The following COL24A1 variants were observed in gnomAD, a reference collection of about 807,000 sequenced individuals.
COL24A1 encodes the protein collagen alpha-1(XXIV) chain.
Under a neutral mutation model 253.9 loss-of-function variants are expected in COL24A1, and 224 were observed. That is an observed-to-expected ratio of 0.88 (90% CI 0.79 to 0.99). The LOEUF (loss-of-function observed/expected upper bound fraction) is 0.99. Ranked by LOEUF, COL24A1 falls within the 50% of genes least tolerant of loss-of-function variation. The pLI, the probability that COL24A1 is intolerant of heterozygous loss-of-function variation, is 0.00. For synonymous variants in COL24A1, 685 were observed against 673.7 expected, an observed-to-expected ratio of 1.02 and a Z score of -0.26; for missense variants, 2,131 against 2,068.5, an observed-to-expected ratio of 1.03 and a Z score of -0.59.
chr1:85,893,794 T>G (rs1683377945), intron 31 of COL24A1, among the ~76,000 whole-genome samples: 1 of 152,124 alleles, frequency 6.6e-6, no homozygotes, highest in African/African-American at 2.4e-5. Flanking sequence ...TTTTTTAAAA[T>G]TCATTTTAAA....
intron 24 of COL24A1, among the ~76,000 whole-genome samples, chr1:85,943,449 A>G (rs1688945503): frequency 6.6e-6 from 1 of 152,244 alleles, no homozygotes. Flanking sequence ...CAAATTTGGT[A>G]TGGGAAAGCT....
intron 24 of COL24A1, among the ~76,000 whole-genome samples, chr1:85,946,940 A>C (rs1011890552): frequency 3.3e-5 from 5 of 152,254 alleles, no homozygotes; most frequent in African/African-American, 1.2e-4. Flanking sequence ...AAAAAGAAAG[A>C]AATCCAGTCA....
Position 85,891,768 on chromosome 1 carries a change from T to A in COL24A1, c.2923-2155A>T, listed in dbSNP as rs75030069. Among the ~76,000 whole-genome samples, 809 of 152,330 alleles carry A rather than the reference T, an allele frequency of 5.3e-3. 17 individuals are homozygous for A. The highest frequency in any genetic ancestry group is 0.052 in the East Asian group (269 of 5,176). On this transcript the variant is annotated intron_variant, in intron 31 of 59. Transcript: ENST00000370571. ...TCTGCCCAATTTTCTTTGTAAAGTA[T>A]GTTTAGACATAATATCAAGCTTATC...
At chr1:85,741,664 C>G (rs1032511237) in intron 57 of COL24A1, among the ~76,000 whole-genome samples, 3 of 152,168 alleles carry the variant, frequency 2.0e-5, no homozygotes, top group African/African-American at 7.2e-5. Flanking sequence ...ATGTTGGGTT[C>G]ACTTTCTGCT....
rs1290619312 is a variant in COL24A1 at position 85,832,244 on chromosome 1, T to C, written c.3681+6341A>G. Among the ~76,000 whole-genome samples the C allele has an allele frequency of 3.9e-5, 6 of 152,070 alleles. No homozygotes were observed. In the East Asian group the frequency reaches 9.6e-4, roughly 24 times the overall value. On this transcript the variant is annotated intron_variant, in intron 43 of 59. Transcript: ENST00000370571. ...CAAAGATCAGATGGTTGTAGATATG[T>C]GGCATTATTTCTGAGGGCTCTGTTC...
chr1:85,742,217 C>T (rs547878251), intron 57 of COL24A1, among the ~76,000 whole-genome samples: 7 of 150,264 alleles, frequency 4.7e-5, no homozygotes, highest in Middle Eastern at 3.5e-3. Context: ...ACTGCAATCT[C>T]GGCCTCCTGG....
At chr1:85,836,968 T>A (rs916775575) in intron 43 of COL24A1, among the ~76,000 whole-genome samples, 1 of 152,200 alleles carries the variant, frequency 6.6e-6, no homozygotes, top group Non-Finnish European at 1.5e-5. Flanking sequence ...CTGGTAAATA[T>A]ACTGATTTAG....
At chr1:85,952,933 T>A (rs1690072098) in intron 24 of COL24A1, among the ~76,000 whole-genome samples, 1 of 152,200 alleles carries the variant, frequency 6.6e-6, no homozygotes, top group Non-Finnish European at 1.5e-5. Context: ...TTTTTCACTA[T>A]TTTTACTCTC....
At chr1:85,921,660 C>G (rs1686512692) in intron 24 of COL24A1, among the ~76,000 whole-genome samples, 1 of 152,168 alleles carries the variant, frequency 6.6e-6, no homozygotes. Flanking sequence ...AAAACCCCAC[C>G]TGTAGGTCAC....
intron 47 of COL24A1, among the ~76,000 whole-genome samples, chr1:85,804,639 A>G (rs1671778301): frequency 6.6e-6 from 1 of 151,996 alleles, no homozygotes; most frequent in Non-Finnish European, 1.5e-5. Context: ...GTGCAGGGCA[A>G]CTCCCGTTTT....
At chr1:86,079,399 A>T (rs1224644812) in intron 7 of COL24A1, among the ~76,000 whole-genome samples, 3 of 152,166 alleles carry the variant, frequency 2.0e-5, no homozygotes, top group Non-Finnish European at 4.4e-5. Flanking sequence ...CTGGGCAAAG[A>T]TTTCTTCAGT....
intron 47 of COL24A1, among the ~76,000 whole-genome samples, chr1:85,792,121 C>A (rs1280272002): frequency 1.3e-5 from 2 of 151,992 alleles, no homozygotes; most frequent in Non-Finnish European, 2.9e-5. Flanking sequence ...TTGCTTCCTG[C>A]AAATACTAAA....
At chr1:86,068,175 G>A (rs1701626812) in intron 7 of COL24A1, among the ~76,000 whole-genome samples, 1 of 152,186 alleles carries the variant, frequency 6.6e-6, no homozygotes, top group Non-Finnish European at 1.5e-5. Flanking sequence ...GAAAACCACA[G>A]TCACAAGAAG....
At chr1:85,887,876 C>T (rs770482832) in intron 32 of COL24A1, among the ~76,000 whole-genome samples, 11 of 152,020 alleles carry the variant, frequency 7.2e-5, no homozygotes, top group Non-Finnish European at 1.5e-4. Context: ...TCTTTTCTCA[C>T]TTCTATACTC....
chr1:86,136,298 A>G (rs1650236748), intron 2 of COL24A1, among the ~76,000 whole-genome samples: 1 of 151,950 alleles, frequency 6.6e-6, no homozygotes, highest in Admixed American at 6.6e-5. Flanking sequence ...GGCTAAATGT[A>G]TATTTTGGGG....
intron 24 of COL24A1, among the ~76,000 whole-genome samples, chr1:85,927,932 A>T (rs1326529792): frequency 7.4e-6 from 1 of 134,748 alleles, no homozygotes; most frequent in Non-Finnish European, 1.6e-5. Context: ...ACCCATCTGT[A>T]CATCACCATC....
In COL24A1 at chr1:85,965,922, AG is replaced by A. The variant is rs1394975673; in HGVS notation, c.2464-861del. ...GAAGTCAGGTCATGTAGGGCCTTGC[AG>A]GTTGCAGTTAGGACTTTGACTTTTA... On this transcript the variant is annotated intron_variant, in intron 22 of 59. Transcript: ENST00000370571. 2.6e-5 allele frequency among the ~76,000 whole-genome samples: 4 copies of A among 152,316 alleles called. No individual in the cohort carries two copies. The East Asian group carries it at 7.7e-4, about 29-fold the overall frequency.
intron 24 of COL24A1, chr1:85,960,620 C>T (rs1293848015): frequency 6.6e-6 from 1 of 152,030 alleles, no homozygotes; most frequent in African/African-American, 2.4e-5. Context: ...CAGTGGCTCA[C>T]ACCTGTAATC....
chr1:86,099,193 A>C (rs1704241928), intron 5 of COL24A1, among the ~76,000 whole-genome samples: 1 of 152,214 alleles, frequency 6.6e-6, no homozygotes, highest in Non-Finnish European at 1.5e-5. Context: ...AAGAAATTAT[A>C]TATTTCCGAG....
Sources: gnomAD v4.1 joint callset for allele counts (sites outside exome capture counted in the v4.1 genomes callset) on GRCh38, gnomAD v4.1.1 for gene constraint, MANE v1.5 for transcripts, NCBI Gene and HGNC (gene_info 2026-07-23, HGNC 2026-07-21) for gene names.